PSMD1: variants seen among roughly 807,000 people sequenced by gnomAD.
PSMD1 encodes the protein proteasome 26S subunit, non-ATPase 1, also known as 26S proteasome non-ATPase regulatory subunit 1.
PSMD1 carries 18 observed loss-of-function variants against 119.0 expected under a neutral mutation model. The observed-to-expected ratio is 0.15, with a 90% CI of 0.10 to 0.22. The LOEUF is 0.22. Among genes scored for constraint, PSMD1 ranks in the 10% least tolerant of loss-of-function variants. The pLI is 1.00. For missense variants in PSMD1, 702 were observed against 1,158.5 expected, an observed-to-expected ratio of 0.61 and a Z score of 5.72; for synonymous variants, 374 against 396.6, an observed-to-expected ratio of 0.94 and a Z score of 0.68.
At chr2:231,104,410 C>T (rs1559231368) in intron 16 of PSMD1, among the ~76,000 whole-genome samples, 1 of 152,046 alleles carries the variant, frequency 6.6e-6, no homozygotes, top group Non-Finnish European at 1.5e-5. Context: ...TTCTAAGGGA[C>T]CATTCTTGGT....
At chr2:231,102,063 C>T (rs1694881497) in intron 16 of PSMD1, among the ~76,000 whole-genome samples, 1 of 152,172 alleles carries the variant, frequency 6.6e-6, no homozygotes, top group African/African-American at 2.4e-5. Context: ...AGGAGATCCT[C>T]CTGTTTCCAC....
chr2:231,134,050 T>A (rs1695914265), intron 16 of PSMD1, among the ~76,000 whole-genome samples: 1 of 152,232 alleles, frequency 6.6e-6, no homozygotes, highest in African/African-American at 2.4e-5. Flanking sequence ...TTTCATTTTT[T>A]AAAGCAGAAA....
intron 1 of PSMD1, among the ~76,000 whole-genome samples, chr2:231,059,775 G>A (rs940472334): frequency 1.3e-5 from 2 of 152,064 alleles, no homozygotes; most frequent in Non-Finnish European, 2.9e-5. Flanking sequence ...TTCCTATAAC[G>A]GCATAAGAGG....
At chr2:231,098,125 G>A (rs757214249) in intron 16 of PSMD1, among the ~76,000 whole-genome samples, 1 of 152,220 alleles carries the variant, frequency 6.6e-6, no homozygotes, top group Non-Finnish European at 1.5e-5. Context: ...TGCTAGCAAA[G>A]CAGTTGCCAC....
chr2:231,087,588 C>T (rs1432987634), intron 16 of PSMD1, among the ~76,000 whole-genome samples: 2 of 152,072 alleles, frequency 1.3e-5, no homozygotes, highest in African/African-American at 4.8e-5. Context: ...GTTTAAATGC[C>T]AGAGTGAAAA....
At chr2:231,116,423 C>G (rs1326460813) in intron 16 of PSMD1, among the ~76,000 whole-genome samples, 2 of 152,018 alleles carry the variant, frequency 1.3e-5, no homozygotes, top group Non-Finnish European at 2.9e-5. Context: ...AGTCCTTACT[C>G]TCTCTGTAAC....
At chr2:231,081,301 C>CAAAAA (rs373124448) in intron 12 of PSMD1, among the ~76,000 whole-genome samples, 3 of 151,722 alleles carry the variant, frequency 2.0e-5, no homozygotes, top group Non-Finnish European at 4.4e-5. Context: ...TTTATGGTTA[C>CAAAAA]AAAAAAACAA....
intron 1 of PSMD1, among the ~76,000 whole-genome samples, chr2:231,057,467 A>G (rs1693631536): frequency 6.6e-6 from 1 of 152,244 alleles, no homozygotes; most frequent in Non-Finnish European, 1.5e-5. Flanking sequence ...CGGGCAGCCT[A>G]ACTGCTACAG....
intron 12 of PSMD1, among the ~76,000 whole-genome samples, chr2:231,081,309 C>A (rs1418625448): frequency 2.0e-5 from 3 of 150,886 alleles, no homozygotes; most frequent in African/African-American, 7.4e-5. Context: ...TACAAAAAAA[C>A]AAAACAAAAC....
At chr2:231,091,844 T>A (rs1694604196) in intron 16 of PSMD1, among the ~76,000 whole-genome samples, 1 of 152,142 alleles carries the variant, frequency 6.6e-6, no homozygotes, top group South Asian at 2.1e-4. Flanking sequence ...ATTGGTTGAT[T>A]CCAAGGTAGG....
rs1426658260 is a variant in PSMD1, at chr2:231,066,889, T to C, written c.305-17T>C. The C allele has an allele frequency of 6.4e-7, 1 of 1,561,836 alleles. No homozygotes were observed. Among genetic ancestry groups the C allele is most frequent in the South Asian group, 1.2e-5 (1 of 80,704 alleles). On this transcript the variant is annotated splice_polypyrimidine_tract_variant and intron_variant, in intron 4 of 24. Coordinates refer to ENST00000308696, the MANE Select transcript of PSMD1 (RefSeq NM_002807.4). ...GCCCAATTTACAAGATAATCAGTTA[T>C]TTTATTTCCTCAACAGCAAAATGCA...
At chr2:231,078,943 C>T (rs1028120510) in intron 10 of PSMD1, among the ~76,000 whole-genome samples, 196 bp downstream of exon 10, 18 of 151,834 alleles carry the variant, frequency 1.2e-4, no homozygotes, top group African/African-American at 3.9e-4. Flanking sequence ...TACAGGCGCA[C>T]GCCACTATGC....
chr2:231,110,319 C>CAAAA (rs908257461), intron 16 of PSMD1, among the ~76,000 whole-genome samples: 1 of 150,968 alleles, frequency 6.6e-6, no homozygotes, highest in East Asian at 1.9e-4. Flanking sequence ...GACTCTGTCT[C>CAAAA]AAAAAAAAAG....
Position 231,170,523 on chromosome 2 carries a change from T to G in PSMD1, c.2716-43T>G. Reference sequence around the variant, plus strand: ...ATTTACTCTAGATTGTGGAGCACGCTTGAAATATGAGTGTACGCTTCTGCA... The same window carrying G: ...ATTTACTCTAGATTGTGGAGCACGCGTGAAATATGAGTGTACGCTTCTGCA... On this transcript the variant is annotated intron_variant, in intron 23 of 24. Transcript: ENST00000308696. This position sits in a 1 kb window ranked among gnomAD's most constrained non-coding sequence, Gnocchi z 4.1. The G allele has an allele frequency of 6.6e-7, 1 of 1,517,406 alleles. No homozygotes were observed. Among genetic ancestry groups the G allele is most frequent in the African/African-American group, 1.4e-5 (1 of 71,052 alleles). 94.0% of individuals were successfully genotyped at this position (1,517,406 alleles called of 1,614,324 possible).
intron 18 of PSMD1, among the ~76,000 whole-genome samples, chr2:231,151,799 G>A (rs1696381102): frequency 7.0e-6 from 1 of 143,588 alleles, no homozygotes; most frequent in Non-Finnish European, 1.5e-5. Context: ...CGTCAAACAT[G>A]AGAATTTTTT....
chr2:231,108,977 A>G (rs1433373017), intron 16 of PSMD1: 4 of 1,614,094 alleles, frequency 2.5e-6, no homozygotes, highest in South Asian at 1.1e-5. Context: ...GAGGAAAAAC[A>G]CAATCCCTAG....
chr2:231,139,180 G>A (rs1050999044), intron 17 of PSMD1: 3 of 366,026 alleles, frequency 8.2e-6, no homozygotes, highest in Non-Finnish European at 1.1e-5. Flanking sequence ...CATCCAGGCT[G>A]GAGTGCAGTG....
rs1259606217 is a variant in PSMD1, at chr2:231,109,098, T to C, written c.1883+21917T>C. 1.9e-6 allele frequency: 3 copies of C among 1,614,086 alleles called. No individual in the cohort carries two copies. The African/African-American group carries it at 4.0e-5, about 22-fold the overall frequency. ...CCTGAGTTGGGCAGAGCCTTGTCCT[T>C]TCGAGAACCATCCAGCATTGCCACC... On this transcript the variant is annotated intron_variant, in intron 16 of 24. Coordinates refer to ENST00000308696, the MANE Select transcript of PSMD1 (RefSeq NM_002807.4).
At chr2:231,129,079 C>T (rs1457746336) in intron 16 of PSMD1, among the ~76,000 whole-genome samples, 2 of 152,234 alleles carry the variant, frequency 1.3e-5, no homozygotes, top group East Asian at 3.9e-4. Context: ...TGCATGTCCT[C>T]AGTAATCACA....
Sources: allele counts gnomAD v4.1 joint callset (sites outside exome capture counted in the v4.1 genomes callset), GRCh38; gene constraint gnomAD v4.1.1; non-coding constraint Gnocchi (gnomAD v3.1); transcripts MANE v1.5; gene names NCBI Gene and HGNC (gene_info 2026-07-23, HGNC 2026-07-21).